CCSER2: variants seen among roughly 807,000 people sequenced by gnomAD.
CCSER2 encodes coiled-coil serine rich protein 2.
CCSER2 carries 46 observed loss-of-function variants against 92.3 expected under a neutral mutation model. The observed-to-expected ratio is 0.50, with a 90% CI of 0.39 to 0.64. The LOEUF (loss-of-function observed/expected upper bound fraction) is 0.64, where lower values mean the gene tolerates loss of function less well. Among genes scored for constraint, CCSER2 ranks in the 30% least tolerant of loss-of-function variants. CCSER2 has a pLI of 0.00. For synonymous variants in CCSER2, 433 were observed against 431.4 expected (o/e 1.00, Z -0.04); for missense variants, 1,244 against 1,238.9 (o/e 1.00, Z -0.06).
intron 6 of CCSER2, among the ~76,000 whole-genome samples, chr10:84,457,280 T>TTATATATAA (rs1845722555): frequency 5.5e-5 from 1 of 18,284 alleles, no homozygotes; most frequent in South Asian, 9.0e-4. Context: ...TATAATATAT[T>TTATATATAA]ATATATTATA....
At chr10:84,381,949 G>A (rs1042638641) in intron 3 of CCSER2, among the ~76,000 whole-genome samples, 1 of 149,840 alleles carries the variant, frequency 6.7e-6, no homozygotes, top group African/African-American at 2.4e-5. Flanking sequence ...AACATCCGTC[G>A]TGGACAAGAC....
chr10:84,479,066 A>G (rs778651322), intron 9 of CCSER2, among the ~76,000 whole-genome samples: 33 of 152,170 alleles, frequency 2.2e-4, no homozygotes, highest in Non-Finnish European at 3.7e-4. Flanking sequence ...ATTAAGCATG[A>G]TAAGTTCCAT....
chr10:84,432,952 T>C (rs1368069387), intron 5 of CCSER2, among the ~76,000 whole-genome samples: 2 of 152,240 alleles, frequency 1.3e-5, no homozygotes, highest in Non-Finnish European at 2.9e-5. Context: ...GTCTCATTTG[T>C]TGAAAAGACT....
At chr10:84,346,086 C>T (rs377473305) in intron 1 of CCSER2, among the ~76,000 whole-genome samples, 8 of 152,116 alleles carry the variant, frequency 5.3e-5, no homozygotes, top group South Asian at 2.1e-4. Flanking sequence ...TTTTTTGAGA[C>T]GGAGTTTCAC....
At chr10:84,422,358 T>C (rs1589618758) in intron 4 of CCSER2, among the ~76,000 whole-genome samples, 1 of 152,220 alleles carries the variant, frequency 6.6e-6, no homozygotes, top group East Asian at 1.9e-4. Context: ...GATATTTTAG[T>C]GCCTGTATCA....
chr10:84,465,745 T>A (rs957388440), intron 7 of CCSER2, among the ~76,000 whole-genome samples: 4 of 152,026 alleles, frequency 2.6e-5, no homozygotes, highest in African/African-American at 9.7e-5. Flanking sequence ...ATGATAGACA[T>A]TTTTTGCTTT....
chr10:84,365,376 T>C (rs1307659390), intron 1 of CCSER2, among the ~76,000 whole-genome samples: 1 of 152,198 alleles, frequency 6.6e-6, no homozygotes, highest in Non-Finnish European at 1.5e-5. Flanking sequence ...TTCAAAATTA[T>C]AAGCAAATAT....
chr10:84,436,325 CAAAAAAAAAAAAAAA>C (rs1160681619), intron 5 of CCSER2, among the ~76,000 whole-genome samples: 1 of 14,328 alleles, frequency 7.0e-5, no homozygotes, highest in Non-Finnish European at 1.0e-4. Context: ...GACTCCGTCT[CAAAAAAAAAAAAAAA>C]AAAAAAAAAA....
In CCSER2 at chr10:84,464,897, G is replaced by A. The variant is rs74147571; in HGVS notation, c.2148+881G>A. On this transcript the variant is annotated intron_variant, in intron 7 of 9. Transcript: ENST00000372088. ...GGCCTGGAATTAATAGGGCAGAAAA[G>A]CATTATTTGCTCGTAGGTTGCAGAG... is the stretch of plus-strand genomic sequence containing the variant. Among the ~76,000 whole-genome samples the A allele has an allele frequency of 8.3e-4, 126 of 152,268 alleles. 1 individual carries two copies. Among genetic ancestry groups the A allele is most frequent in the African/African-American group, 2.9e-3 (122 of 41,546 alleles).
intron 6 of CCSER2, among the ~76,000 whole-genome samples, chr10:84,455,405 A>G (rs1845557506): frequency 6.6e-6 from 1 of 150,394 alleles, no homozygotes; most frequent in African/African-American, 2.5e-5. Flanking sequence ...CCTCCCTAGT[A>G]GCTGGGATTA....
At chr10:84,413,857 T>C (rs762968117) in intron 3 of CCSER2, among the ~76,000 whole-genome samples, 33 of 152,254 alleles carry the variant, frequency 2.2e-4, no homozygotes, top group Non-Finnish European at 4.0e-4. Flanking sequence ...TTTAATAAGA[T>C]AGTTAGCTCT....
At chr10:84,367,838 T>A (rs549807622) in intron 1 of CCSER2, among the ~76,000 whole-genome samples, 1 of 152,164 alleles carries the variant, frequency 6.6e-6, no homozygotes, top group Admixed American at 6.5e-5. Flanking sequence ...CATGTTCTTA[T>A]TAGGTTGTTC....
chr10:84,351,140 C>G (rs1050596672), intron 1 of CCSER2, among the ~76,000 whole-genome samples: 1 of 152,050 alleles, frequency 6.6e-6, no homozygotes, highest in Non-Finnish European at 1.5e-5. Context: ...ATAGCTGACT[C>G]TGTGTGTGTA....
chr10:84,432,022 G>A (rs1050976301), intron 5 of CCSER2, among the ~76,000 whole-genome samples: 3 of 152,278 alleles, frequency 2.0e-5, no homozygotes, highest in South Asian at 4.1e-4. Context: ...GTTTCCACCA[G>A]CAATGAATGA....
intron 9 of CCSER2, among the ~76,000 whole-genome samples, chr10:84,490,990 T>C (rs1430235728): frequency 6.6e-6 from 1 of 152,198 alleles, no homozygotes; most frequent in Non-Finnish European, 1.5e-5. Flanking sequence ...TCTGTTGGAA[T>C]TTGCTGGAGG....
intron 1 of CCSER2, among the ~76,000 whole-genome samples, chr10:84,346,252 C>CG (rs1402445156): frequency 6.6e-6 from 1 of 151,948 alleles, no homozygotes; most frequent in East Asian, 1.9e-4. Flanking sequence ...TTAGTAGAGA[C>CG]GGGGTTTCTC....
At position 84,513,437 on chromosome 10, in the gene CCSER2, T is replaced by A; in HGVS notation, c.2326-12T>A. Reference sequence around the variant, plus strand: ...AAGAACTTGCTGCTAATGTTGTTTTTAATTTTAACAGCCTCAAGTACTACA... The same window carrying A: ...AAGAACTTGCTGCTAATGTTGTTTTAAATTTTAACAGCCTCAAGTACTACA... On this transcript the variant is annotated splice_polypyrimidine_tract_variant and intron_variant, in intron 9 of 9. Transcript: ENST00000372088. The A allele has an allele frequency of 6.4e-7, 1 of 1,563,172 alleles. No homozygotes were observed. The highest frequency in any genetic ancestry group is 8.7e-7 in the Non-Finnish European group (1 of 1,155,246).
intron 3 of CCSER2, among the ~76,000 whole-genome samples, chr10:84,380,157 C>T (rs927596205): frequency 6.6e-5 from 10 of 152,146 alleles, no homozygotes; most frequent in African/African-American, 1.9e-4. Flanking sequence ...CCCCATATGT[C>T]GTCATCTGAC....
At chr10:84,505,261 TACAG>T (rs2131856972) in intron 9 of CCSER2, among the ~76,000 whole-genome samples, 1 of 152,298 alleles carries the variant, frequency 6.6e-6, no homozygotes, top group Non-Finnish European at 1.5e-5. Context: ...CGTTTCTAGT[TACAG>T]AGAGGAATAT....
Sources: allele counts gnomAD v4.1 joint callset (sites outside exome capture counted in the v4.1 genomes callset), GRCh38; gene constraint gnomAD v4.1.1; transcripts MANE v1.5; gene names NCBI Gene and HGNC (gene_info 2026-07-23, HGNC 2026-07-21).